FANCD2OS: variants seen among roughly 807,000 people sequenced by gnomAD.
FANCD2OS encodes the protein FANCD2 opposite strand protein.
A neutral mutation model predicts 13.2 loss-of-function variants in FANCD2OS; 11 were observed. The ratio of observed to expected loss-of-function variants is 0.83; its 90% CI spans 0.52 to 1.38. FANCD2OS has a LOEUF of 1.38. FANCD2OS is among the 40% of genes most tolerant of loss of function. The pLI is 0.00. For synonymous variants in FANCD2OS, 69 were observed against 84.5 expected, an observed-to-expected ratio of 0.82 and a Z score of 1.01; for missense variants, 217 against 213.9, an observed-to-expected ratio of 1.01 and a Z score of -0.09.
chr3:10,091,375 C>T (rs1694599053), intron 2 of FANCD2OS, among the ~76,000 whole-genome samples: 1 of 150,526 alleles, frequency 6.6e-6, no homozygotes, highest in Non-Finnish European at 1.5e-5. Context: ...ACCACTGCAC[C>T]TGGCATAAAC....
chr3:10,092,390 G>A (rs1346927134), intron 2 of FANCD2OS: 6 of 763,944 alleles, frequency 7.9e-6, no homozygotes, highest in Non-Finnish European at 1.4e-5. Flanking sequence ...TTCTTCCTTT[G>A]TCCCCCTACC....
At position 10,090,314 on chromosome 3, in the gene FANCD2OS, C is replaced by A. The variant is rs771078251; in HGVS notation, c.*44-8783G>T. The A allele has an allele frequency of 1.2e-6, 2 of 1,613,442 alleles. No homozygotes were observed. Among genetic ancestry groups the A allele is most frequent in the Non-Finnish European group, 1.7e-6 (2 of 1,179,756 alleles). The stretch of plus-strand genomic sequence containing the variant: ...TAGGCATACTTTTGTTGTTTTCTTC[C>A]GTGTGATGATGGCTGAACTAGAGAA... On this transcript the variant is annotated intron_variant, in intron 2 of 2. Coordinates refer to the FANCD2OS transcript ENST00000524279.
At chr3:10,088,867 A>T (rs1252347304) in intron 2 of FANCD2OS, 1 of 1,614,104 alleles carries the variant, frequency 6.2e-7, no homozygotes, top group East Asian at 2.2e-5. Context: ...TGAAGGCCAT[A>T]GAGGAGATTG....
intron 2 of FANCD2OS, among the ~76,000 whole-genome samples, chr3:10,090,931 C>A (rs982707240): frequency 6.6e-6 from 1 of 151,690 alleles, no homozygotes; most frequent in Admixed American, 6.6e-5. Flanking sequence ...TGGCTACTGC[C>A]CAGTTTGCCT....
At chr3:10,096,588 T>G in intron 2 of FANCD2OS, 2 of 959,704 alleles carry the variant, frequency 2.1e-6, no homozygotes, top group Non-Finnish European at 3.3e-6. Context: ...TACTTTTCTC[T>G]TAAGTCTGTG....
rs140988477 is a variant in FANCD2OS at position 10,092,051 on chromosome 3, G to T, written c.*44-10520C>A. 6.1e-4 allele frequency: 485 copies of T among 792,758 alleles called. 1 individual carries two copies. In the African/African-American group the frequency reaches 7.2e-3, roughly 12 times the overall value. The allele number at this position is 792,758 out of a possible 1,614,324, so 49.1% of individuals were successfully genotyped here. On this transcript the variant is annotated intron_variant, in intron 2 of 2. Transcript: ENST00000524279. ...GAACCATCTTGTGGATGCACTGGTT[G>T]CTACATCTAAGGATAATTGGCTTAA...
chr3:10,094,328 A>G, intron 2 of FANCD2OS: 1 of 1,614,098 alleles, frequency 6.2e-7, no homozygotes, highest in Non-Finnish European at 8.5e-7. Flanking sequence ...GAAGCAATGT[A>G]TGCCGCTCCT....
At position 10,096,413 on chromosome 3, in the gene FANCD2OS, A is replaced by ACTCT; in HGVS notation, c.*43+7781_*43+7784dup. 1.9e-6 allele frequency: 3 copies of ACTCT among 1,614,042 alleles called. No homozygotes were observed. The East Asian group carries it at 6.7e-5, about 36-fold the overall frequency. ...AGTTTGCAGAGTCAAAGCTATGCTCACTCTCAACAATTGTAGAGAGGCTTT... is the reference window on the plus strand; with the variant it reads ...AGTTTGCAGAGTCAAAGCTATGCTCACTCTCTCTCAACAATTGTAGAGAGGCTTT... On this transcript the variant is annotated intron_variant, in intron 2 of 2. Transcript: ENST00000524279.
At chr3:10,085,963 A>T in intron 2 of FANCD2OS, 1 of 1,349,410 alleles carries the variant, frequency 7.4e-7, no homozygotes, top group South Asian at 1.2e-5. Context: ...GTCCCAAGAA[A>T]CTCCTAGGAA....
At chr3:10,098,769 G>A (rs1299742794), downstream of FANCD2OS, 1 of 1,614,010 alleles carries the variant, frequency 6.2e-7, no homozygotes, top group Middle Eastern at 1.6e-4. Context: ...GCAGATGAGA[G>A]TGAGGATGAC....
chr3:10,085,779 C>G, intron 2 of FANCD2OS: 1 of 1,413,514 alleles, frequency 7.1e-7, no homozygotes, highest in East Asian at 2.3e-5. Context: ...TTTCCAGAAA[C>G]TAAGCTAACC....
At chr3:10,092,579 C>T (rs995629980) in intron 2 of FANCD2OS, among the ~76,000 whole-genome samples, 4 of 151,926 alleles carry the variant, frequency 2.6e-5, no homozygotes, top group African/African-American at 9.7e-5. Context: ...CCCTGAATGC[C>T]CTCGTTCTCC....
Position 10,095,492 on chromosome 3 carries a change from T to A in FANCD2OS, c.*43+8706A>T. The A allele has an allele frequency of 5.0e-6, 3 of 594,684 alleles. No individual in the cohort carries two copies. In the South Asian group the frequency reaches 6.0e-5, roughly 12 times the overall value. The allele number at this position is 594,684 out of a possible 1,614,324, so 36.8% of individuals were successfully genotyped here. A position where few individuals can be genotyped will look rare whatever the true frequency, so the allele number is the denominator to read the frequency against. ...TGAAATTTGATTCAAACTCCAAAGC[T>A]CTTTTTCCTCTAGAAACTTCTTGGG... On this transcript the variant is annotated intron_variant, in intron 2 of 2. Coordinates refer to the FANCD2OS transcript ENST00000524279.
In FANCD2OS at chr3:10,104,630, G is replaced by A; in HGVS notation, c.145C>T (p.Gln49Ter). ...FPHTPSDLEV[Q>*]LCFQEVTLVL... ...AGAGTGACCTCTTGAAAGCACAGCT[G>A]CACTTCAAGGTCGGACGGTGTGTGT... is the stretch of plus-strand genomic sequence containing the variant. The change falls in exon 2 of 2, where the codon CAG becomes TAG. Residue 49 changes from glutamine to a stop codon, truncating the protein, a stop_gained. Coordinates refer to ENST00000450660, the MANE Select transcript of FANCD2OS (RefSeq NM_001164839.2). LOFTEE classifies it high-confidence loss of function. 1 of 1,614,198 alleles carries A rather than the reference G, an allele frequency of 6.2e-7. No individual in the cohort carries two copies. Among genetic ancestry groups the A allele is most frequent in the Non-Finnish European group, 8.5e-7 (1 of 1,180,042 alleles).
In FANCD2OS at chr3:10,104,578, G is replaced by A; in HGVS notation, c.197C>T (p.Ser66Phe). 2 of 1,614,232 alleles carry A rather than the reference G, an allele frequency of 1.2e-6. No individual in the cohort carries two copies. The highest frequency in any genetic ancestry group is 8.5e-7 in the Non-Finnish European group (1 of 1,180,046). The part of the protein sequence containing the change: ...TLVLDSPFLE[S>F]GVSPKLPCHT... Reference sequence around the variant, plus strand: ...GCAGGGTAACTTGGGACTCACTCCAGATTCCAGGAATGGGCTGTCTAGGAC... The same window carrying A: ...GCAGGGTAACTTGGGACTCACTCCAAATTCCAGGAATGGGCTGTCTAGGAC... The change falls in exon 2 of 2, where the codon TCT becomes TTT. Residue 66 changes from serine (S) to phenylalanine (F), a missense_variant. Coordinates refer to ENST00000450660, the MANE Select transcript of FANCD2OS (RefSeq NM_001164839.2).
At chr3:10,103,622 C>T (rs183406641), downstream of FANCD2OS, among the ~76,000 whole-genome samples, 24 of 152,252 alleles carry the variant, frequency 1.6e-4, no homozygotes, top group South Asian at 1.5e-3. Context: ...TACATTTCAG[C>T]TAAAATGGAG....
At chr3:10,087,281 CTTTTTTTT>C in intron 2 of FANCD2OS, 2 of 1,310,514 alleles carry the variant, frequency 1.5e-6, no homozygotes, top group Non-Finnish European at 2.0e-6. Context: ...GGCCTAGATC[CTTTTTTTT>C]TTTTTTTTTT....
intron 2 of FANCD2OS, chr3:10,087,279 T>C (rs769227516): frequency 1.3e-5 from 19 of 1,512,020 alleles, no homozygotes; most frequent in Non-Finnish European, 1.6e-5. Flanking sequence ...TGGGCCTAGA[T>C]CCTTTTTTTT....
intron 2 of FANCD2OS, among the ~76,000 whole-genome samples, chr3:10,081,973 C>T (rs922436366): frequency 6.6e-6 from 1 of 152,150 alleles, no homozygotes; most frequent in Admixed American, 6.6e-5. Context: ...GCTCTCTGTT[C>T]TCATTATACA....
Sources: gnomAD v4.1 joint callset for allele counts (sites outside exome capture counted in the v4.1 genomes callset) on GRCh38, gnomAD v4.1.1 for gene constraint, MANE v1.5 for transcripts, NCBI Gene and HGNC (gene_info 2026-07-23, HGNC 2026-07-21) for gene names.